The following ENOX1 variants were observed in gnomAD, a reference collection of about 807,000 sequenced individuals.
ENOX1 encodes candidate growth-related and time keeping constitutive hydroquinone (NADH) oxidase.
In ENOX1, 42 loss-of-function variants were observed where a neutral mutation model predicts 82.5. The ratio of observed to expected loss-of-function variants is 0.51; its 90% CI spans 0.40 to 0.66. The LOEUF (loss-of-function observed/expected upper bound fraction) is 0.66, where lower values mean the gene tolerates loss of function less well. Among genes scored for constraint, ENOX1 ranks in the 30% least tolerant of loss-of-function variants. The pLI is 0.00. For synonymous variants in ENOX1, 271 were observed against 282.2 expected, an observed-to-expected ratio of 0.96 and a Z score of 0.40; for missense variants, 608 against 811.6, an observed-to-expected ratio of 0.75 and a Z score of 3.05.
chr13:43,391,633 CCT>C (rs1181759116), intron 5 of ENOX1, among the ~76,000 whole-genome samples: 1 of 152,122 alleles, frequency 6.6e-6, no homozygotes, highest in Non-Finnish European at 1.5e-5. Context: ...CTCTCACTCC[CCT>C]GTCATCTAAT....
chr13:43,588,137 A>G (rs1156899755), intron 2 of ENOX1, among the ~76,000 whole-genome samples: 1 of 152,212 alleles, frequency 6.6e-6, no homozygotes, highest in African/African-American at 2.4e-5. Flanking sequence ...GATTAAGTAT[A>G]TTTCTGTTAA....
intron 3 of ENOX1, among the ~76,000 whole-genome samples, chr13:43,425,231 T>C (rs541798056): frequency 2.0e-5 from 3 of 152,222 alleles, no homozygotes; most frequent in African/African-American, 7.2e-5. Flanking sequence ...CACCTGGTTA[T>C]CTCAGCAGGC....
chr13:43,744,523 C>T (rs1158491484), intron 1 of ENOX1, among the ~76,000 whole-genome samples: 2 of 152,108 alleles, frequency 1.3e-5, no homozygotes, highest in East Asian at 3.9e-4. Flanking sequence ...CTAAAATGGG[C>T]TCTTTGGCAG....
chr13:43,593,186 T>C (rs2081316936), intron 2 of ENOX1, among the ~76,000 whole-genome samples: 1 of 152,188 alleles, frequency 6.6e-6, no homozygotes. Context: ...TCTGTTTACC[T>C]TCCTACAGGC....
intron 1 of ENOX1, among the ~76,000 whole-genome samples, chr13:43,753,007 G>A (rs1438088871): frequency 1.3e-5 from 2 of 151,906 alleles, no homozygotes. Context: ...TTACAGGCAC[G>A]CGCCACTACA....
intron 2 of ENOX1, among the ~76,000 whole-genome samples, chr13:43,564,044 G>T (rs1224223659): frequency 6.6e-6 from 1 of 151,468 alleles, no homozygotes; most frequent in Non-Finnish European, 1.5e-5. Flanking sequence ...ACCAAAACCA[G>T]ACAAAGACTC....
rs189047129 is a variant in ENOX1 at position 43,349,700 on chromosome 13, T to G, written c.824-4950A>C. The stretch of plus-strand genomic sequence containing the variant: ...TTACTCCAGGTGATTTGTACGCACA[T>G]GGAGGTTTGAGAAACACTGAAGAAA... On this transcript the variant is annotated intron_variant, in intron 8 of 16. Coordinates refer to ENST00000690772, the MANE Select transcript of ENOX1 (RefSeq NM_001347969.2). Among the ~76,000 whole-genome samples, 4 of 152,322 alleles carry G rather than the reference T, an allele frequency of 2.6e-5. No individual in the cohort carries two copies. In the East Asian group the frequency reaches 7.7e-4, roughly 29 times the overall value.
chr13:43,439,662 C>G (rs887216234), intron 3 of ENOX1, among the ~76,000 whole-genome samples: 3 of 151,886 alleles, frequency 2.0e-5, no homozygotes, highest in South Asian at 2.1e-4. Flanking sequence ...TATAGCAACT[C>G]GTTCTTTAAC....
chr13:43,428,726 C>T lies in ENOX1; in HGVS notation c.-74-15738G>A, dbSNP rs9590761. ...TTGGCAGCTAGCTACAAGGAAGAGG[C>T]CTGGAATGCAGTTCTCCTTTCTACC... is the stretch of plus-strand genomic sequence containing the variant. On this transcript the variant is annotated intron_variant, in intron 3 of 16. Coordinates refer to ENST00000690772, the MANE Select transcript of ENOX1 (RefSeq NM_001347969.2). 8.9e-3 allele frequency among the ~76,000 whole-genome samples: 1,357 copies of T among 152,216 alleles called. 9 individuals are homozygous for T. The highest frequency in any genetic ancestry group is 0.011 in the Non-Finnish European group (775 of 68,010).
intron 2 of ENOX1, among the ~76,000 whole-genome samples, chr13:43,554,999 A>C (rs1462002363): frequency 6.6e-6 from 1 of 152,244 alleles, no homozygotes; most frequent in Non-Finnish European, 1.5e-5. Flanking sequence ...CATTCTAAAA[A>C]TACAAAGTAG....
chr13:43,446,721 G>A (rs1220426128), intron 3 of ENOX1, among the ~76,000 whole-genome samples: 1 of 152,130 alleles, frequency 6.6e-6, no homozygotes, highest in Non-Finnish European at 1.5e-5. Flanking sequence ...TGTCTCTACT[G>A]TGATCCACAT....
At chr13:43,620,359 T>C (rs1427162062) in intron 2 of ENOX1, among the ~76,000 whole-genome samples, 2 of 152,162 alleles carry the variant, frequency 1.3e-5, no homozygotes, top group Non-Finnish European at 2.9e-5. Flanking sequence ...TTGTGCTCTT[T>C]CAGTCTTTTT....
chr13:43,625,278 TATATACACA>T (rs1235196675), intron 2 of ENOX1, among the ~76,000 whole-genome samples: 1 of 152,038 alleles, frequency 6.6e-6, no homozygotes, highest in African/African-American at 2.4e-5. Flanking sequence ...TGATATATTC[TATATACACA>T]ATCATGCCAT....
intron 5 of ENOX1, among the ~76,000 whole-genome samples, chr13:43,372,084 T>C (rs1594195724): frequency 6.6e-6 from 1 of 152,300 alleles, no homozygotes; most frequent in East Asian, 1.9e-4. Context: ...ACAGAGTTCA[T>C]CCTAAAGAGA....
Position 43,300,111 on chromosome 13 carries a change from C to T in ENOX1, c.1262-1581G>A, listed in dbSNP as rs1036196891. Among the ~76,000 whole-genome samples the T allele has an allele frequency of 4.6e-5, 7 of 152,248 alleles. 1 individual carries two copies. The South Asian group carries it at 1.5e-3, about 32-fold the overall frequency. ...TGAACTACTAATCAGACAGAACATGCAATTACCCAGAAATTTCCCTACCTC... is the reference window on the plus strand; with the variant it reads ...TGAACTACTAATCAGACAGAACATGTAATTACCCAGAAATTTCCCTACCTC... On this transcript the variant is annotated intron_variant, in intron 11 of 16. Coordinates refer to ENST00000690772, the MANE Select transcript of ENOX1 (RefSeq NM_001347969.2).
At chr13:43,281,758 C>T (rs188311534) in intron 12 of ENOX1, among the ~76,000 whole-genome samples, 178 of 152,172 alleles carry the variant, frequency 1.2e-3, no homozygotes, top group Middle Eastern at 3.4e-3. Context: ...TGTAGAAATA[C>T]GGGAGGGATA....
chr13:43,776,056 AATACT>A (rs1164246904), intron 1 of ENOX1, among the ~76,000 whole-genome samples: 2 of 152,226 alleles, frequency 1.3e-5, no homozygotes, highest in African/African-American at 2.4e-5. Flanking sequence ...GGAGGCTGAT[AATACT>A]ATAAAAAGTA....
chr13:43,380,334 A>G (rs1016748799), intron 5 of ENOX1, among the ~76,000 whole-genome samples: 1 of 151,796 alleles, frequency 6.6e-6, no homozygotes, highest in Non-Finnish European at 1.5e-5. Flanking sequence ...AATACTCACA[A>G]TGTATTCTGG....
chr13:43,356,049 CT>C lies in ENOX1; in HGVS notation c.692del (p.Lys231SerfsTer28). The C allele has an allele frequency of 6.2e-7, 1 of 1,614,208 alleles. No homozygotes were observed. Among genetic ancestry groups the C allele is most frequent in the Non-Finnish European group, 8.5e-7 (1 of 1,180,050 alleles). The part of the protein sequence containing the change: ...ARDDFYEWEC[K>X]QRMRAREERH... The stretch of plus-strand genomic sequence containing the variant: ...GCTCCTCCCGGGCACGCATCCTCTG[CT>C]TGCATTCCCACTCATAGAAGTCATC... On this transcript the variant is annotated frameshift_variant, in exon 8 of 17. Coordinates refer to ENST00000690772, the MANE Select transcript of ENOX1 (RefSeq NM_001347969.2). LOFTEE classifies it high-confidence loss of function.
Sources: gnomAD v4.1 joint callset for allele counts (sites outside exome capture counted in the v4.1 genomes callset) on GRCh38, gnomAD v4.1.1 for gene constraint, MANE v1.5 for transcripts, NCBI Gene and HGNC (gene_info 2026-07-23, HGNC 2026-07-21) for gene names.